Variants in HECTD4 observed in about 807,000 individuals in gnomAD.
HECTD4 encodes probable E3 ubiquitin-protein ligase HECTD4.
HECTD4 carries 114 observed loss-of-function variants against 471.5 expected under a neutral mutation model. That is an observed-to-expected ratio of 0.24 (90% confidence interval 0.21 to 0.28). The LOEUF (loss-of-function observed/expected upper bound fraction) is 0.28. Among genes scored for constraint, HECTD4 ranks in the 10% least tolerant of loss-of-function variants. HECTD4 has a pLI of 1.00. For synonymous variants in HECTD4, 2,012 were observed against 2,256.0 expected, an observed-to-expected ratio of 0.89 and a Z score of 3.07; for missense variants, 3,866 against 5,651.5, an observed-to-expected ratio of 0.68 and a Z score of 10.13.
chr12:112,323,367 G>A (rs1275471109), intron 1 of HECTD4, among the ~76,000 whole-genome samples: 5 of 152,038 alleles, frequency 3.3e-5, no homozygotes, highest in African/African-American at 4.8e-5. Flanking sequence ...TTAACTATAA[G>A]TATCTCAGTT....
Position 112,370,734 on chromosome 12 carries a change from A to G in HECTD4, c.177+11218T>C, listed in dbSNP as rs75396775. Among the ~76,000 whole-genome samples the G allele has an allele frequency of 0.015, 2,320 of 152,252 alleles. 132 individuals carry two copies. In the South Asian group the frequency reaches 0.19, roughly 12 times the overall value. Reference sequence around the variant, plus strand: ...GGTGCTTAAAAGGGACTTCAGTTTTACCTGTTATTTCCGTTTTGTCAAGAA... The same window carrying G: ...GGTGCTTAAAAGGGACTTCAGTTTTGCCTGTTATTTCCGTTTTGTCAAGAA... On this transcript the variant is annotated intron_variant, in intron 1 of 75. Transcript: ENST00000682272.
chr12:112,307,318 G>C (rs1594030802), intron 6 of HECTD4, among the ~76,000 whole-genome samples: 1 of 152,304 alleles, frequency 6.6e-6, no homozygotes, highest in South Asian at 2.1e-4. Flanking sequence ...TACAGTGCCA[G>C]GAAGACTAGA....
chr12:112,193,395 T>C lies in HECTD4; in HGVS notation c.8955+74A>G. 1 of 1,452,352 alleles carries C rather than the reference T, an allele frequency of 6.9e-7. No homozygotes were observed. Among genetic ancestry groups the C allele is most frequent in the Non-Finnish European group, 9.5e-7 (1 of 1,056,934 alleles). The allele number at this position is 1,452,352 out of a possible 1,614,324, so 90.0% of individuals were successfully genotyped here. On this transcript the variant is annotated intron_variant, in intron 57 of 75. Transcript: ENST00000682272. The surrounding 1 kb of genome is among the most constrained non-coding windows in gnomAD (Gnocchi z 5.2). ...GGACTTGGAAGGGAAAGGGGAGTCA[T>C]TTTCAGCAAGCCAGTGAGACTCCCA...
chr12:112,167,846 G>A lies in HECTD4; in HGVS notation c.12280C>T (p.Leu4094=). 1 of 1,609,388 alleles carries A rather than the reference G, an allele frequency of 6.2e-7. No homozygotes were observed. ...LQSSSLSLLL[L]CPSSAVNKNK... ...TTATTGACAGCTGAGCTGGGGCACA[G>A]CAGCAGCAGCGACAGCGAGGAACTC... Residue 4094 remains leucine, a synonymous_variant, in exon 71 of 76, where the codon CTG becomes TTG. Transcript: ENST00000682272.
chr12:112,229,939 G>A, intron 40 of HECTD4, 59 bp from the exon 41 acceptor site: 2 of 1,477,380 alleles, frequency 1.4e-6, no homozygotes, highest in South Asian at 2.5e-5. Flanking sequence ...TTGATGCCAA[G>A]GGTGATAAAG....
At chr12:112,273,049 T>A (rs2034451334) in intron 11 of HECTD4, among the ~76,000 whole-genome samples, 1 of 152,184 alleles carries the variant, frequency 6.6e-6, no homozygotes, top group Admixed American at 6.5e-5. Context: ...CAAGGTTTTT[T>A]AAAATGAATA....
rs765590750 is a variant in HECTD4 at position 112,195,080 on chromosome 12, G to T, written c.8568-14C>A. On this transcript the variant is annotated splice_polypyrimidine_tract_variant and intron_variant, in intron 55 of 75. Coordinates refer to ENST00000682272, the MANE Select transcript of HECTD4 (RefSeq NM_001388303.1). ...CGCAGCAGCTCCCTGCAAGGGAAAA[G>T]GTGGGTGAGATACTCAAAGCCCTGA... 6.3e-6 allele frequency: 10 copies of T among 1,580,478 alleles called. No individual in the cohort carries two copies. The East Asian group carries it at 2.1e-4, about 33-fold the overall frequency.
intron 72 of HECTD4, among the ~76,000 whole-genome samples, chr12:112,165,014 T>C (rs1317405178): frequency 6.8e-6 from 1 of 147,324 alleles, no homozygotes; most frequent in Non-Finnish European, 1.5e-5. Flanking sequence ...CTCTGCCTCC[T>C]GGGTTCAAGC....
rs369912413 is a variant in HECTD4 at position 112,204,503 on chromosome 12, A to G, written c.8252T>C (p.Ile2751Thr). 52 of 1,613,326 alleles carry G rather than the reference A, an allele frequency of 3.2e-5. No homozygotes were observed. Among genetic ancestry groups the G allele is most frequent in the African/African-American group, 9.3e-5 (7 of 74,914 alleles). The change falls in exon 53 of 76, where the codon ATT (isoleucine) becomes ACT (threonine). Residue 2751 changes from isoleucine to threonine, a missense_variant. Ile to Thr is a moderately conservative substitution (Grantham distance 89). Coordinates refer to ENST00000682272, the MANE Select transcript of HECTD4 (RefSeq NM_001388303.1). ...AGCAAAACCTTTTCGAACTTTATCA[A>G]TTGTGAACTTGTTTGCTTCGTCTTT... ...DIKDEANKFT[I>T]DKVRKGLTVV...
Position 112,193,211 on chromosome 12 carries a change from A to G in HECTD4, c.8956-20T>C, listed in dbSNP as rs1482385026. ...TGCTGTCTGCAAAGAGACACTGAAT[A>G]AGGAAAGCCACGGGCTAAACACAGG... On this transcript the variant is annotated intron_variant, in intron 57 of 75. Transcript: ENST00000682272. The surrounding 1 kb of genome is among the most constrained non-coding windows in gnomAD (Gnocchi z 5.2). 4 of 1,612,756 alleles carry G rather than the reference A, an allele frequency of 2.5e-6. No homozygotes were observed. Among genetic ancestry groups the G allele is most frequent in the Non-Finnish European group, 3.4e-6 (4 of 1,179,392 alleles).
chr12:112,203,744 G>A lies in HECTD4; in HGVS notation c.8298C>T (p.Asp2766=). The change falls in exon 54 of 76, where the codon GAC becomes GAT. Residue 2766 remains aspartate (D), a synonymous_variant. Coordinates refer to ENST00000682272, the MANE Select transcript of HECTD4 (RefSeq NM_001388303.1). The part of the protein sequence containing the change: ...KGLTVVTRSP[D]SNNVASSAVG... ...CAGCACTGCTGGCTACATTATTGCT[G>A]TCTGGAGAGCGGGTTACTACTGTGA... is the stretch of plus-strand genomic sequence containing the variant. 1 of 1,612,342 alleles carries A rather than the reference G, an allele frequency of 6.2e-7. No individual in the cohort carries two copies. The highest frequency in any genetic ancestry group is 1.7e-5 in the Admixed American group (1 of 59,860).
At chr12:112,371,966 CTACTATAGAAAAAAT>C (rs1240648168) in intron 1 of HECTD4, among the ~76,000 whole-genome samples, 1 of 151,228 alleles carries the variant, frequency 6.6e-6, no homozygotes, top group Non-Finnish European at 1.5e-5. Context: ...AACGATTCCA[CTACTATAGAAAAAAT>C]TATGTTGATG....
rs768580358 is a variant in HECTD4 at position 112,210,080 on chromosome 12, A to G, written c.7802T>C (p.Ile2601Thr). 1 of 1,614,016 alleles carries G rather than the reference A, an allele frequency of 6.2e-7. No homozygotes were observed. The highest frequency in any genetic ancestry group is 8.5e-7 in the Non-Finnish European group (1 of 1,179,888). Reference sequence around the variant, plus strand: ...CCCATGAGTGCCTGGGTCTGATGCAATACTGGTGCCAGCATCATTGTCACT... The same window carrying G: ...CCCATGAGTGCCTGGGTCTGATGCAGTACTGGTGCCAGCATCATTGTCACT... ...SDSDNDAGTS[I>T]ASDPGTHGPP... Residue 2601 changes from isoleucine to threonine, a missense_variant, in exon 50 of 76, where the codon ATT (isoleucine) becomes ACT (threonine). Ile to Thr is a moderately conservative substitution (Grantham distance 89). Transcript: ENST00000682272.
chr12:112,372,656 C>G (rs575123210), intron 1 of HECTD4, among the ~76,000 whole-genome samples: 4 of 152,242 alleles, frequency 2.6e-5, no homozygotes, highest in Non-Finnish European at 4.4e-5. Context: ...TCTTGAACTC[C>G]TGGCCTCAAG....
intron 8 of HECTD4, among the ~76,000 whole-genome samples, chr12:112,280,049 T>C (rs1286759983): frequency 6.6e-6 from 1 of 152,066 alleles, no homozygotes; most frequent in African/African-American, 2.4e-5. Context: ...CCAATCAAGA[T>C]CTTGGTTTTT....
intron 7 of HECTD4, among the ~76,000 whole-genome samples, chr12:112,298,168 T>C (rs899098770): frequency 6.6e-6 from 1 of 152,012 alleles, no homozygotes; most frequent in African/African-American, 2.4e-5. Flanking sequence ...TTCACTATAA[T>C]AGGGAGCCAA....
intron 10 of HECTD4, 47 bp from the exon 11 acceptor site, chr12:112,273,842 T>G: frequency 4.4e-6 from 7 of 1,596,012 alleles, no homozygotes; most frequent in Non-Finnish European, 6.0e-6. Context: ...ACCAGCTACC[T>G]GTATACATAT....
Position 112,248,404 on chromosome 12 carries a change from T to C in HECTD4, c.4059A>G (p.Glu1353=), listed in dbSNP as rs747055323. Residue 1353 remains glutamate (E), a synonymous_variant, in exon 26 of 76, where the codon GAA becomes GAG. Transcript: ENST00000682272. ...ATAAATCATATTCTTCAGCATGTTC[T>C]TCTTGATATTGGAAATTTATTAGAG... ...LQSLINFQYQ[E]EHAEEYDLLC... The C allele has an allele frequency of 6.2e-7, 1 of 1,611,486 alleles. No individual in the cohort carries two copies. The highest frequency in any genetic ancestry group is 8.5e-7 in the Non-Finnish European group (1 of 1,178,054).
intron 44 of HECTD4, among the ~76,000 whole-genome samples, chr12:112,225,291 G>T (rs1593950185): frequency 6.7e-6 from 1 of 148,718 alleles, no homozygotes. Flanking sequence ...CAAAATAAAC[G>T]GCATGAGAAA....
Sources: gnomAD v4.1 joint callset for allele counts (sites outside exome capture counted in the v4.1 genomes callset) on GRCh38, gnomAD v4.1.1 for gene constraint, Gnocchi (gnomAD v3.1) non-coding constraint, MANE v1.5 for transcripts, NCBI Gene and HGNC (gene_info 2026-07-23, HGNC 2026-07-21) for gene names.